CCDC146: variants seen among roughly 807,000 people sequenced by gnomAD.
CCDC146 encodes coiled-coil domain containing 146, also known as coiled-coil domain-containing protein 146.
A neutral mutation model predicts 119.3 loss-of-function variants in CCDC146; 92 were observed. That is an observed-to-expected ratio of 0.77 (90% confidence interval 0.65 to 0.92). CCDC146 has a LOEUF of 0.92. CCDC146 is among the 40% of genes least tolerant of loss of function. The pLI, the probability that CCDC146 is intolerant of heterozygous loss-of-function variation, is 0.00. For synonymous variants in CCDC146, 372 were observed against 371.8 expected (o/e 1.00, Z -0.01); for missense variants, 1,000 against 1,103.0 (o/e 0.91, Z 1.32).
intron 2 of CCDC146, among the ~76,000 whole-genome samples, chr7:77,187,544 C>T (rs545462935): frequency 3.9e-5 from 6 of 152,200 alleles, no homozygotes; most frequent in Non-Finnish European, 7.3e-5. Flanking sequence ...TCTCAGTTAC[C>T]ATCATTTTGG....
At position 77,274,419 on chromosome 7, in the gene CCDC146, C is replaced by A. The variant is rs1793585898; in HGVS notation, c.1270-63C>A. On this transcript the variant is annotated intron_variant, in intron 10 of 18. Coordinates refer to ENST00000285871, the MANE Select transcript of CCDC146 (RefSeq NM_020879.3). ...GGAAGTAAAAAGGTAGTCTAAGATA[C>A]TAGCTTTACTGTATTACTTCAAACA... 3 of 1,115,892 alleles carry A rather than the reference C, an allele frequency of 2.7e-6. No homozygotes were observed. In the African/African-American group the frequency reaches 4.8e-5, roughly 18 times the overall value. The allele number at this position is 1,115,892 out of a possible 1,614,324, so 69.1% of individuals were successfully genotyped here.
intron 2 of CCDC146, among the ~76,000 whole-genome samples, chr7:77,225,883 C>T (rs1236674351): frequency 6.6e-6 from 1 of 151,828 alleles, no homozygotes; most frequent in Admixed American, 6.6e-5. Flanking sequence ...GCGGAGGTTG[C>T]AGTGAGCTGA....
chr7:77,254,072 A>G (rs565491463), intron 4 of CCDC146, among the ~76,000 whole-genome samples: 1 of 152,324 alleles, frequency 6.6e-6, no homozygotes, highest in East Asian at 1.9e-4. Context: ...TACATGTTAA[A>G]AAATCACTGT....
intron 2 of CCDC146, among the ~76,000 whole-genome samples, chr7:77,200,720 G>A (rs1338340176): frequency 6.6e-6 from 1 of 152,132 alleles, no homozygotes; most frequent in East Asian, 1.9e-4. Context: ...GGGCCACTTG[G>A]TATATCAGCT....
intron 1 of CCDC146, among the ~76,000 whole-genome samples, chr7:77,159,078 A>C (rs1321243923): frequency 6.6e-6 from 1 of 152,130 alleles, no homozygotes; most frequent in African/African-American, 2.4e-5. Context: ...ACATCCATGA[A>C]ACCACCAACC....
chr7:77,260,139 A>C lies in CCDC146; in HGVS notation c.889A>C (p.Lys297Gln), dbSNP rs752323882. Residue 297 changes from lysine (K) to glutamine (Q), a missense_variant, in exon 8 of 19, where the codon AAA becomes CAA. Lys to Gln is a moderately conservative substitution (Grantham distance 53, BLOSUM62 1). This residue lies in a region of CCDC146 where 985 missense variants were observed against 1,045.3 expected (regional missense o/e 0.94). Coordinates refer to ENST00000285871, the MANE Select transcript of CCDC146 (RefSeq NM_020879.3). The part of the protein sequence containing the change: ...KENVIKEVEG[K>Q]RALLEIKERE... ...AAATGTAATAAAGGAAGTTGAAGGC[A>C]AACGAGCCTTACTTGAAATCAAAGA... is the stretch of plus-strand genomic sequence containing the variant. The C allele has an allele frequency of 6.2e-7, 1 of 1,614,162 alleles. No homozygotes were observed.
intron 2 of CCDC146, chr7:77,198,895 A>C (rs1791925740): frequency 2.2e-6 from 1 of 459,682 alleles, no homozygotes; most frequent in Non-Finnish European, 3.8e-6. Flanking sequence ...CTAAAACATC[A>C]AGAAATTCTC....
At chr7:77,281,325 T>C (rs750000041) in intron 14 of CCDC146, among the ~76,000 whole-genome samples, 32 of 152,204 alleles carry the variant, frequency 2.1e-4, no homozygotes, top group Non-Finnish European at 3.7e-4. Flanking sequence ...TTGGTCTTAT[T>C]ATATTTAGCC....
At position 77,260,115 on chromosome 7, in the gene CCDC146, A is replaced by T. The variant is rs1793264803; in HGVS notation, c.865A>T (p.Asn289Tyr). Residue 289 changes from asparagine to tyrosine, a missense_variant, in exon 8 of 19, where the codon AAT becomes TAT. Around this residue, in one of 2 missense-constraint regions of CCDC146, gnomAD observed 985 missense variants for 1,045.3 expected, o/e 0.94. Transcript: ENST00000285871. ...TAGTGCTATAGTGGATGAGAAGGAAAATGTAATAAAGGAAGTTGAAGGCAA... is the reference window on the plus strand; with the variant it reads ...TAGTGCTATAGTGGATGAGAAGGAATATGTAATAAAGGAAGTTGAAGGCAA... ...KVSAIVDEKE[N>Y]VIKEVEGKRA... 22 of 1,614,072 alleles carry T rather than the reference A, an allele frequency of 1.4e-5. No homozygotes were observed. The highest frequency in any genetic ancestry group is 1.7e-5 in the Non-Finnish European group (20 of 1,180,002).
chr7:77,159,825 A>C (rs1296915070), intron 1 of CCDC146, among the ~76,000 whole-genome samples: 1 of 152,202 alleles, frequency 6.6e-6, no homozygotes, highest in Non-Finnish European at 1.5e-5. Flanking sequence ...TTGGTGTTTT[A>C]GACATGAAGT....
intron 2 of CCDC146, among the ~76,000 whole-genome samples, chr7:77,184,862 T>C (rs1432747421): frequency 2.6e-5 from 4 of 152,208 alleles, no homozygotes; most frequent in Admixed American, 2.6e-4. Context: ...ATAATTGTTT[T>C]GATAAAATAC....
chr7:77,242,124 A>G (rs1480410403), intron 4 of CCDC146, among the ~76,000 whole-genome samples: 1 of 152,350 alleles, frequency 6.6e-6, no homozygotes, highest in African/African-American at 2.4e-5. Context: ...TGTGTTTTTC[A>G]TGTCAGGAAA....
Position 77,196,654 on chromosome 7 carries a change from C to G in CCDC146, c.156+28830C>G. ...CATTAGCCACATAAAACTGATCATA[C>G]AAGGCATATAGTTCGACACCATTAA... On this transcript the variant is annotated intron_variant, in intron 2 of 18. Coordinates refer to ENST00000285871, the MANE Select transcript of CCDC146 (RefSeq NM_020879.3). The surrounding 1 kb of genome is among the most constrained non-coding windows in gnomAD (Gnocchi z 4.2). 1 of 1,614,090 alleles carries G rather than the reference C, an allele frequency of 6.2e-7. No individual in the cohort carries two copies. The highest frequency in any genetic ancestry group is 2.2e-5 in the East Asian group (1 of 44,888).
intron 1 of CCDC146, among the ~76,000 whole-genome samples, chr7:77,148,021 A>G (rs567548545): frequency 1.4e-4 from 22 of 152,332 alleles, no homozygotes; most frequent in Non-Finnish European, 2.6e-4. Context: ...GAGCCTACAG[A>G]GGCAGGCAGG....
At chr7:77,131,332 G>T (rs1302209169) in intron 1 of CCDC146, among the ~76,000 whole-genome samples, 1 of 152,064 alleles carries the variant, frequency 6.6e-6, no homozygotes, top group African/African-American at 2.4e-5. Flanking sequence ...TCTCAAATGT[G>T]AGTGGAAAAG....
intron 2 of CCDC146, among the ~76,000 whole-genome samples, chr7:77,212,977 G>C (rs757126151): frequency 7.3e-6 from 1 of 137,482 alleles, no homozygotes; most frequent in Admixed American, 7.1e-5. Context: ...TTTTGCCAAG[G>C]CTACTTTCTA....
chr7:77,199,236 A>T (rs1791933276), intron 2 of CCDC146: 2 of 1,613,894 alleles, frequency 1.2e-6, no homozygotes, highest in African/African-American at 2.7e-5. Context: ...TGCCATCCAA[A>T]CTATTGACAA....
At chr7:77,138,649 TA>T (rs1433517729) in intron 1 of CCDC146, among the ~76,000 whole-genome samples, 2 of 152,112 alleles carry the variant, frequency 1.3e-5, no homozygotes, top group Non-Finnish European at 2.9e-5. Context: ...GACTATTATC[TA>T]AAAATACAAA....
rs111287164 is a variant in CCDC146 at position 77,259,821 on chromosome 7, G to T, written c.759-188G>T. ...GGCACTCAGTGGAGATACCCTCCAA[G>T]TCCCACCCATCTGTGGTCTTTACCC... On this transcript the variant is annotated intron_variant, in intron 7 of 18. Coordinates refer to ENST00000285871, the MANE Select transcript of CCDC146 (RefSeq NM_020879.3). 220 of 536,770 alleles carry T rather than the reference G, an allele frequency of 4.1e-4. 1 individual carries two copies. The highest frequency in any genetic ancestry group is 3.5e-3 in the African/African-American group (181 of 51,950). 33.3% of individuals were successfully genotyped at this position (536,770 alleles called of 1,614,324 possible).
Sources: gnomAD v4.1 joint callset for allele counts (sites outside exome capture counted in the v4.1 genomes callset) on GRCh38, gnomAD v4.1.1 for gene constraint, gnomAD v4.1.1 regional missense constraint, Gnocchi (gnomAD v3.1) non-coding constraint, MANE v1.5 for transcripts, NCBI Gene and HGNC (gene_info 2026-07-23, HGNC 2026-07-21) for gene names.